The following CHST11 variants were observed in gnomAD, a reference collection of about 807,000 sequenced individuals.
The protein encoded by CHST11 is carbohydrate sulfotransferase 11.
In CHST11, 9 loss-of-function variants were observed where a neutral mutation model predicts 30.4. That is an observed-to-expected ratio of 0.30 (90% CI 0.18 to 0.52). CHST11 has a LOEUF of 0.52. Among genes scored for constraint, CHST11 ranks in the 20% least tolerant of loss-of-function variants. The pLI, the probability that CHST11 is intolerant of heterozygous loss-of-function variation, is 0.97. For synonymous variants in CHST11, 152 were observed against 187.8 expected, an observed-to-expected ratio of 0.81 and a Z score of 1.56; for missense variants, 348 against 460.6, an observed-to-expected ratio of 0.76 and a Z score of 2.24.
intron 1 of CHST11, among the ~76,000 whole-genome samples, chr12:104,492,487 C>T (rs1386236768): frequency 1.3e-5 from 2 of 152,210 alleles, no homozygotes; most frequent in East Asian, 3.8e-4. Context: ...GTCTCTCTGC[C>T]CCTCACTATG....
chr12:104,683,793 A>G (rs895379001), intron 2 of CHST11, among the ~76,000 whole-genome samples: 1 of 152,242 alleles, frequency 6.6e-6, no homozygotes, highest in Admixed American at 6.5e-5. Context: ...ACCAGGATGA[A>G]TGAAGGAATC....
At chr12:104,731,028 C>T (rs985975940) in intron 2 of CHST11, among the ~76,000 whole-genome samples, 4 of 152,248 alleles carry the variant, frequency 2.6e-5, no homozygotes, top group African/African-American at 9.6e-5. Context: ...TGAACATTTG[C>T]TGTCCGTGCT....
At chr12:104,632,244 G>T (rs1046798322) in intron 2 of CHST11, among the ~76,000 whole-genome samples, 5 of 152,000 alleles carry the variant, frequency 3.3e-5, no homozygotes, top group Non-Finnish European at 5.9e-5. Context: ...GAAGGATGGG[G>T]CACCACTTCA....
At position 104,531,303 on chromosome 12, in the gene CHST11, A is replaced by T. The variant is rs913077644; in HGVS notation, c.119-70603A>T. Among the ~76,000 whole-genome samples, 3 of 152,102 alleles carry T rather than the reference A, an allele frequency of 2.0e-5. No homozygotes were observed. The East Asian group carries it at 5.8e-4, about 29-fold the overall frequency. On this transcript the variant is annotated intron_variant, in intron 1 of 2. Coordinates refer to ENST00000303694, the MANE Select transcript of CHST11 (RefSeq NM_018413.6). ...CAGGAGTTTGAGACCAGCCTGGGCA[A>T]CATAGTGGGACCTTGCCTTTACAAA...
At chr12:104,731,288 C>T (rs2040255632) in intron 2 of CHST11, among the ~76,000 whole-genome samples, 1 of 152,216 alleles carries the variant, frequency 6.6e-6, no homozygotes. Flanking sequence ...AACAGGGACA[C>T]TCCCACCAGC....
At chr12:104,548,310 C>A (rs375817816) in intron 1 of CHST11, among the ~76,000 whole-genome samples, 4 of 152,128 alleles carry the variant, frequency 2.6e-5, no homozygotes, top group African/African-American at 9.7e-5. Flanking sequence ...ACAATTAGAT[C>A]TCTGGGGAAA....
chr12:104,636,299 C>T (rs138621029), intron 2 of CHST11, among the ~76,000 whole-genome samples: 6 of 152,346 alleles, frequency 3.9e-5, no homozygotes, highest in African/African-American at 1.2e-4. Flanking sequence ...AACTCAAAGA[C>T]ACATGATGGG....
intron 2 of CHST11, among the ~76,000 whole-genome samples, chr12:104,622,975 G>A (rs1450944192): frequency 6.6e-6 from 1 of 152,196 alleles, no homozygotes; most frequent in Non-Finnish European, 1.5e-5. Context: ...GCAGTCTAAA[G>A]TGCTCAACTA....
Position 104,730,477 on chromosome 12 carries a change from G to C in CHST11, c.205-26472G>C, listed in dbSNP as rs137883698. ...CATGCTAGGTGTGAGGGAGGGGCTA[G>C]AGGCACCAAGAGCTCATGATGGGCC... is the stretch of plus-strand genomic sequence containing the variant. On this transcript the variant is annotated intron_variant, in intron 2 of 2. Coordinates refer to ENST00000303694, the MANE Select transcript of CHST11 (RefSeq NM_018413.6). 1.9e-4 allele frequency among the ~76,000 whole-genome samples: 29 copies of C among 152,348 alleles called. No homozygotes were observed. The East Asian group carries it at 2.5e-3, about 13-fold the overall frequency.
intron 1 of CHST11, among the ~76,000 whole-genome samples, chr12:104,580,341 G>T (rs1263930025): frequency 6.6e-6 from 1 of 152,178 alleles, no homozygotes; most frequent in African/African-American, 2.4e-5. Flanking sequence ...TGTATGCTCT[G>T]GCTGATATAG....
chr12:104,677,808 G>A (rs568627386), intron 2 of CHST11, among the ~76,000 whole-genome samples: 2 of 152,240 alleles, frequency 1.3e-5, no homozygotes, highest in South Asian at 2.1e-4. Flanking sequence ...TTTCCAAGGG[G>A]CCCTGCTTGC....
intron 2 of CHST11, among the ~76,000 whole-genome samples, chr12:104,618,769 G>T (rs1160397025): frequency 6.6e-6 from 1 of 152,138 alleles, no homozygotes; most frequent in Non-Finnish European, 1.5e-5. Context: ...GAGGCGTTTT[G>T]TTGTTGGTGT....
At chr12:104,530,555 A>T (rs1327462039) in intron 1 of CHST11, among the ~76,000 whole-genome samples, 1 of 152,230 alleles carries the variant, frequency 6.6e-6, no homozygotes, top group Non-Finnish European at 1.5e-5. Flanking sequence ...AGTCTTAGCA[A>T]TCTACTTGGC....
At chr12:104,465,402 C>T (rs1413552715) in intron 1 of CHST11, among the ~76,000 whole-genome samples, 1 of 152,200 alleles carries the variant, frequency 6.6e-6, no homozygotes, top group East Asian at 1.9e-4. Flanking sequence ...AGGCTTGAAC[C>T]TGGAAGTTCA....
intron 1 of CHST11, among the ~76,000 whole-genome samples, chr12:104,497,909 CTTTTTTTTT>C (rs1205174607): frequency 6.6e-5 from 5 of 75,704 alleles, no homozygotes; most frequent in African/African-American, 2.3e-4. Context: ...CCTGCCCCCT[CTTTTTTTTT>C]TTTTTTTTTT....
intron 1 of CHST11, among the ~76,000 whole-genome samples, chr12:104,544,719 A>G (rs945571200): frequency 7.1e-6 from 1 of 140,494 alleles, no homozygotes; most frequent in African/African-American, 2.6e-5. Context: ...AAAAAAAAAA[A>G]AAAGAAATCA....
chr12:104,526,673 C>T (rs574898160), intron 1 of CHST11, among the ~76,000 whole-genome samples: 1 of 152,280 alleles, frequency 6.6e-6, no homozygotes, highest in South Asian at 2.1e-4. Flanking sequence ...CTCGTGTTCT[C>T]AACCCACTGC....
intron 1 of CHST11, among the ~76,000 whole-genome samples, chr12:104,551,383 G>T (rs767541643): frequency 1.3e-5 from 2 of 152,032 alleles, no homozygotes; most frequent in Non-Finnish European, 2.9e-5. Context: ...GAAGTTGGCT[G>T]GTTTTCAACG....
intron 1 of CHST11, among the ~76,000 whole-genome samples, chr12:104,544,138 A>AAAAGAAAG (rs59116085): frequency 0.19 from 13,808 of 71,100 alleles, 1,106 homozygotes; most frequent in Non-Finnish European, 0.24. Flanking sequence ...AAAAAAAAAA[A>AAAAGAAAG]AAAGAAAGAA....
Sources: gnomAD v4.1 joint callset for allele counts (sites outside exome capture counted in the v4.1 genomes callset) on GRCh38, gnomAD v4.1.1 for gene constraint, MANE v1.5 for transcripts, NCBI Gene and HGNC (gene_info 2026-07-23, HGNC 2026-07-21) for gene names.